Variants in NECTIN4 observed in about 807,000 individuals in gnomAD.
The protein encoded by NECTIN4 is nectin cell adhesion molecule 4, also known as nectin-4.
A neutral mutation model predicts 51.7 loss-of-function variants in NECTIN4; 19 were observed. The ratio of observed to expected loss-of-function variants is 0.37; its 90% CI spans 0.26 to 0.54. NECTIN4 has a LOEUF of 0.54. Ranked by LOEUF, NECTIN4 falls within the 20% of genes least tolerant of loss-of-function variation. The probability of loss-of-function intolerance (pLI) is 0.86; values close to 1 mark genes in which losing one functional copy is unlikely to be tolerated. For synonymous variants in NECTIN4, 283 were observed against 286.9 expected, an observed-to-expected ratio of 0.99 and a Z score of 0.14; for missense variants, 619 against 662.4, an observed-to-expected ratio of 0.93 and a Z score of 0.72.
chr1:161,077,394 A>T (rs1485109558), intron 3 of NECTIN4, 59 bp downstream of exon 3: 10 of 1,582,754 alleles, frequency 6.3e-6, no homozygotes, highest in Non-Finnish European at 8.7e-6. Flanking sequence ...GACCTGTGGC[A>T]TCTCACCAAT....
intron 2 of NECTIN4, among the ~76,000 whole-genome samples, chr1:161,078,388 A>G (rs1371561996): frequency 6.6e-6 from 1 of 151,828 alleles, no homozygotes; most frequent in East Asian, 1.9e-4. Flanking sequence ...GCTCACTGCA[A>G]TCTCCGCCTC....
intron 7 of NECTIN4, among the ~76,000 whole-genome samples, 158 bp from the exon 8 acceptor site, chr1:161,073,457 C>T (rs933087839): frequency 1.5e-4 from 23 of 152,234 alleles, no homozygotes; most frequent in Middle Eastern, 3.2e-3. Context: ...TTCCCCACTG[C>T]GACCACAAAC....
intron 2 of NECTIN4, 80 bp from the exon 3 acceptor site, chr1:161,077,823 C>A: frequency 7.4e-7 from 1 of 1,347,416 alleles, no homozygotes; most frequent in South Asian, 1.4e-5. Context: ...TTCAGTCTTG[C>A]ACAAGTACAA....
chr1:161,071,132 A>T lies in NECTIN4; in HGVS notation c.*1529T>A, dbSNP rs1653127979. ...AAGTCCTAGGCTGGCTGGGGAACGA[A>T]GGATGGGAGCCTCTCCCTTAGGCCA... On this transcript the variant is annotated 3_prime_UTR_variant, in exon 9 of 9. Transcript: ENST00000368012. 1 of 152,198 alleles carries T rather than the reference A, an allele frequency of 6.6e-6. No homozygotes were observed. The highest frequency in any genetic ancestry group is 6.5e-5 in the Admixed American group (1 of 15,280). 9.4% of individuals were successfully genotyped at this position (152,198 alleles called of 1,614,324 possible).
At chr1:161,072,927 G>A (rs1653242906) in intron 8 of NECTIN4, 42 bp from the exon 9 acceptor site, 4 of 1,564,878 alleles carry the variant, frequency 2.6e-6, no homozygotes, top group Non-Finnish European at 3.5e-6. Context: ...ACAAAGGCAG[G>A]GCAGCTGCAC....
Position 161,071,123 on chromosome 1 carries a change from G to A in NECTIN4, c.*1538C>T, listed in dbSNP as rs1298299977. ...CCACATTCGAAGTCCTAGGCTGGCT[G>A]GGGAACGAAGGATGGGAGCCTCTCC... On this transcript the variant is annotated 3_prime_UTR_variant, in exon 9 of 9. Transcript: ENST00000368012. 6.6e-6 allele frequency: 1 copy of A among 152,198 alleles called. No individual in the cohort carries two copies. The highest frequency in any genetic ancestry group is 2.4e-5 in the African/African-American group (1 of 41,432). 9.4% of individuals were successfully genotyped at this position (152,198 alleles called of 1,614,324 possible).
chr1:161,084,197 T>C (rs1653823687), intron 1 of NECTIN4, among the ~76,000 whole-genome samples: 1 of 152,174 alleles, frequency 6.6e-6, no homozygotes, highest in Admixed American at 6.5e-5. Context: ...TTGGCACATA[T>C]ATGTGTTCAT....
At chr1:161,073,532 C>T (rs750904364) in intron 7 of NECTIN4, among the ~76,000 whole-genome samples, 188 bp downstream of exon 7, 1 of 152,244 alleles carries the variant, frequency 6.6e-6, no homozygotes, top group African/African-American at 2.4e-5. Flanking sequence ...CTGAAGGGGG[C>T]CTTCTGGAGC....
Position 161,072,366 on chromosome 1 carries a change from C to T in NECTIN4, c.*295G>A, listed in dbSNP as rs1466412333. On this transcript the variant is annotated 3_prime_UTR_variant, in exon 9 of 9. Transcript: ENST00000368012. ...GACTCTGATATGACAGCATAATACA[C>T]ACCACGGACACAGTCACCCCTCCAC... is the stretch of plus-strand genomic sequence containing the variant. 2 of 507,646 alleles carry T rather than the reference C, an allele frequency of 3.9e-6. No homozygotes were observed. Among genetic ancestry groups the T allele is most frequent in the Non-Finnish European group, 7.2e-6 (2 of 276,962 alleles). The allele number at this position is 507,646 out of a possible 1,614,324, so 31.4% of individuals were successfully genotyped here.
intron 7 of NECTIN4, among the ~76,000 whole-genome samples, 191 bp from the exon 8 acceptor site, chr1:161,073,490 G>C (rs994706172): frequency 5.3e-5 from 8 of 152,240 alleles, no homozygotes; most frequent in Non-Finnish European, 1.0e-4. Context: ...CAGAACTGAT[G>C]GTGGCTTCCC....
chr1:161,087,967 C>T (rs1490839855), intron 1 of NECTIN4, among the ~76,000 whole-genome samples: 2 of 152,136 alleles, frequency 1.3e-5, no homozygotes, highest in Non-Finnish European at 2.9e-5. Context: ...TCCCCAACTC[C>T]AGCAACTAGG....
intron 2 of NECTIN4, among the ~76,000 whole-genome samples, chr1:161,079,229 T>C (rs1164327263): frequency 6.6e-6 from 1 of 152,186 alleles, no homozygotes; most frequent in Non-Finnish European, 1.5e-5. Flanking sequence ...TAAGTTTAGC[T>C]TGGAGAAGAG....
At chr1:161,079,556 G>A in intron 2 of NECTIN4, 34 bp downstream of exon 2, 3 of 1,600,216 alleles carry the variant, frequency 1.9e-6, no homozygotes, top group East Asian at 2.2e-5. Flanking sequence ...TGCATCCACA[G>A]CGGCTCAGAC....
At chr1:161,088,187 G>A (rs1170054884) in intron 1 of NECTIN4, among the ~76,000 whole-genome samples, 3 of 152,120 alleles carry the variant, frequency 2.0e-5, no homozygotes, top group African/African-American at 7.2e-5. Context: ...CCTCCTCAAA[G>A]CTTTGGCTGG....
chr1:161,078,794 G>A (rs570327104), intron 2 of NECTIN4, among the ~76,000 whole-genome samples: 3 of 151,938 alleles, frequency 2.0e-5, no homozygotes, highest in East Asian at 3.9e-4. Context: ...AGCGGATCAC[G>A]AGGTCAGGAG....
chr1:161,080,560 G>A (rs535109274), intron 1 of NECTIN4, among the ~76,000 whole-genome samples: 4 of 152,072 alleles, frequency 2.6e-5, no homozygotes, highest in Non-Finnish European at 2.9e-5. Flanking sequence ...TTCCTATAGC[G>A]CAGGAAATGT....
chr1:161,079,940 G>A lies in NECTIN4; in HGVS notation c.89C>T (p.Pro30Leu). Reference sequence around the variant, plus strand: ...GTCTGAGGTCTCCAGCTCACCCGCGGGGCACCGGCCTGCAGGGGGCAGAGA... The same window carrying A: ...GTCTGAGGTCTCCAGCTCACCCGCGAGGCACCGGCCTGCAGGGGGCAGAGA... ...LLLASFTGRCPAGELETSDVV... is the reference protein window; with the variant it reads ...LLLASFTGRCLAGELETSDVV... The change falls in exon 2 of 9, where the codon CCC (proline) becomes CTC (leucine). Residue 30 changes from proline (P) to leucine (L), a missense_variant. Coordinates refer to ENST00000368012, the MANE Select transcript of NECTIN4 (RefSeq NM_030916.3). 1.2e-6 allele frequency: 2 copies of A among 1,602,996 alleles called. No individual in the cohort carries two copies. The highest frequency in any genetic ancestry group is 8.5e-7 in the Non-Finnish European group (1 of 1,172,204).
chr1:161,074,401 TG>T, intron 5 of NECTIN4, 28 bp from the exon 6 acceptor site: 1 of 1,613,304 alleles, frequency 6.2e-7, no homozygotes, highest in Non-Finnish European at 8.5e-7. Flanking sequence ...CTGTCTGAGG[TG>T]GAAGCCTGCA....
At chr1:161,082,632 G>C (rs1653737421) in intron 1 of NECTIN4, among the ~76,000 whole-genome samples, 1 of 152,116 alleles carries the variant, frequency 6.6e-6, no homozygotes, top group Admixed American at 6.5e-5. Context: ...AGAGGGCCCA[G>C]ATGGGACAGG....
Sources: gnomAD v4.1 joint callset for allele counts (sites outside exome capture counted in the v4.1 genomes callset) on GRCh38, gnomAD v4.1.1 for gene constraint, MANE v1.5 for transcripts, NCBI Gene and HGNC (gene_info 2026-07-23, HGNC 2026-07-21) for gene names.